MMP20: variants seen among roughly 807,000 people sequenced by gnomAD.
The protein encoded by MMP20 is matrix metallopeptidase 20, also known as matrix metalloproteinase-20.
MMP20 carries 50 observed loss-of-function variants against 51.8 expected under a neutral mutation model. The ratio of observed to expected loss-of-function variants is 0.97; its 90% CI spans 0.77 to 1.22. MMP20 has a LOEUF of 1.22. Ranked by LOEUF, MMP20 falls within the 50% of genes most tolerant of loss-of-function variation. The probability of loss-of-function intolerance (pLI) is 0.00; values close to 1 mark genes in which losing one functional copy is unlikely to be tolerated. For missense variants in MMP20, 663 were observed against 601.4 expected (o/e 1.10, Z -1.07); for synonymous variants, 244 against 216.2 (o/e 1.13, Z -1.13).
chr11:102,592,036 C>A (rs541369943), intron 8 of MMP20, among the ~76,000 whole-genome samples: 1 of 152,158 alleles, frequency 6.6e-6, no homozygotes, highest in Non-Finnish European at 1.5e-5. Context: ...CTAACATAAA[C>A]GCCCTCATAC....
intron 1 of MMP20, 85 bp downstream of exon 1, chr11:102,625,109 G>T (rs571437739): frequency 3.0e-5 from 46 of 1,536,742 alleles, no homozygotes; most frequent in Admixed American, 2.5e-4. Context: ...AAGAACAATA[G>T]AATTTTTTTC....
chr11:102,585,103 C>T (rs143456059), intron 8 of MMP20, among the ~76,000 whole-genome samples: 16 of 152,160 alleles, frequency 1.1e-4, no homozygotes, highest in Middle Eastern at 3.4e-3. Context: ...ATTCTAGGCC[C>T]GTGAGTTTCG....
At chr11:102,591,791 C>A (rs539854357) in intron 8 of MMP20, among the ~76,000 whole-genome samples, 14 of 152,284 alleles carry the variant, frequency 9.2e-5, no homozygotes, top group African/African-American at 3.1e-4. Context: ...AGAGCCTTGA[C>A]CTCCCCATCC....
intron 8 of MMP20, among the ~76,000 whole-genome samples, chr11:102,582,623 G>C (rs913506814): frequency 1.4e-4 from 22 of 152,156 alleles, no homozygotes; most frequent in African/African-American, 4.3e-4. Flanking sequence ...TACAATCCCA[G>C]ATGAGGGTCA....
At chr11:102,600,416 G>T (rs1020106086) in intron 6 of MMP20, among the ~76,000 whole-genome samples, 41 of 152,172 alleles carry the variant, frequency 2.7e-4, no homozygotes, top group Admixed American at 2.6e-3. Context: ...AACTTCTTTT[G>T]TTATTAACAA....
At chr11:102,614,593 A>G (rs145804631) in intron 2 of MMP20, among the ~76,000 whole-genome samples, 21 of 152,322 alleles carry the variant, frequency 1.4e-4, no homozygotes, top group African/African-American at 5.1e-4. Context: ...TTACTATTTC[A>G]GAATCACTTT....
intron 2 of MMP20, among the ~76,000 whole-genome samples, chr11:102,612,758 T>TG (rs1859619304): frequency 7.6e-6 from 1 of 132,422 alleles, no homozygotes; most frequent in Non-Finnish European, 1.6e-5. Flanking sequence ...TTTTTTGAGA[T>TG]GGAGTTTTGC....
At chr11:102,579,848 T>C (rs1591607162) in intron 8 of MMP20, among the ~76,000 whole-genome samples, 1 of 152,246 alleles carries the variant, frequency 6.6e-6, no homozygotes, top group Non-Finnish European at 1.5e-5. Context: ...ATATTTTTTA[T>C]TGCCTTATTT....
intron 6 of MMP20, among the ~76,000 whole-genome samples, chr11:102,598,521 C>T (rs1472508074): frequency 5.3e-5 from 8 of 152,266 alleles, no homozygotes; most frequent in South Asian, 4.1e-4. Context: ...GCTAAATGAA[C>T]GGGTGCCAGA....
intron 1 of MMP20, among the ~76,000 whole-genome samples, chr11:102,622,598 A>G (rs1238420676): frequency 6.6e-6 from 1 of 152,100 alleles, no homozygotes; most frequent in East Asian, 1.9e-4. Context: ...TGTCCCAGTC[A>G]GCAACACTCT....
chr11:102,620,208 C>A (rs1395622711), intron 1 of MMP20, among the ~76,000 whole-genome samples: 1 of 152,096 alleles, frequency 6.6e-6, no homozygotes, highest in Non-Finnish European at 1.5e-5. Context: ...TGTTTGAGCT[C>A]TTTTTCTTTA....
chr11:102,604,556 G>A (rs1049518799), intron 6 of MMP20, among the ~76,000 whole-genome samples: 19 of 152,120 alleles, frequency 1.2e-4, no homozygotes, highest in Admixed American at 2.0e-4. Context: ...TACTTGCTGG[G>A]GATCACCTCA....
In MMP20 at chr11:102,616,901, G is replaced by A. The variant is rs1412401029; in HGVS notation, c.285C>T (p.Ile95=). The A allele has an allele frequency of 6.2e-7, 1 of 1,614,206 alleles. No individual in the cohort carries two copies. The highest frequency in any genetic ancestry group is 2.2e-5 in the East Asian group (1 of 44,884). The change falls in exon 2 of 10, where the codon ATC becomes ATT. Residue 95 remains isoleucine, a synonymous_variant. Coordinates refer to ENST00000260228, the MANE Select transcript of MMP20 (RefSeq NM_004771.4). ...CAGGAACTCCACAGCGAGGCTTCTT[G>A]ATCACGTTCATTGTGGTCTGGTCTA... is the stretch of plus-strand genomic sequence containing the variant. ...GKLDQTTMNV[I]KKPRCGVPDV... is the part of the protein sequence containing the mutation.
At chr11:102,577,948 C>T (rs984409018) in intron 9 of MMP20, among the ~76,000 whole-genome samples, 1 of 152,184 alleles carries the variant, frequency 6.6e-6, no homozygotes, top group African/African-American at 2.4e-5. Flanking sequence ...AGAGCAGTGG[C>T]CACATCTGGA....
At chr11:102,615,247 T>C (rs1293730536) in intron 2 of MMP20, among the ~76,000 whole-genome samples, 3 of 147,550 alleles carry the variant, frequency 2.0e-5, no homozygotes, top group Non-Finnish European at 3.0e-5. Context: ...TAATAATAAA[T>C]ATAAATATGA....
intron 8 of MMP20, among the ~76,000 whole-genome samples, chr11:102,586,686 G>A (rs1489066490): frequency 2.6e-5 from 4 of 151,998 alleles, no homozygotes; most frequent in South Asian, 4.2e-4. Flanking sequence ...GCATGGTGGC[G>A]GGTGCCTGTA....
chr11:102,598,337 T>C (rs1859407174), intron 6 of MMP20, among the ~76,000 whole-genome samples: 1 of 152,122 alleles, frequency 6.6e-6, no homozygotes, highest in Non-Finnish European at 1.5e-5. Flanking sequence ...GGAATGAAAA[T>C]AAACAGATTA....
intron 8 of MMP20, among the ~76,000 whole-genome samples, chr11:102,592,135 G>A (rs963856153): frequency 2.0e-5 from 3 of 152,292 alleles, no homozygotes; most frequent in South Asian, 2.1e-4. Flanking sequence ...CTATCTTCCT[G>A]TATATCTGCT....
At chr11:102,587,140 A>G (rs1249336987) in intron 8 of MMP20, among the ~76,000 whole-genome samples, 1 of 151,926 alleles carries the variant, frequency 6.6e-6, no homozygotes, top group Non-Finnish European at 1.5e-5. Flanking sequence ...AAGTTCTGGT[A>G]TGTTGTATTT....
Sources: allele counts gnomAD v4.1 joint callset (sites outside exome capture counted in the v4.1 genomes callset), GRCh38; gene constraint gnomAD v4.1.1; transcripts MANE v1.5; gene names NCBI Gene and HGNC (gene_info 2026-07-23, HGNC 2026-07-21).